TMEM74: variants seen among roughly 807,000 people sequenced by gnomAD.
TMEM74 encodes transmembrane protein 74.
In TMEM74, 13 loss-of-function variants were observed where a neutral mutation model predicts 18.1. The ratio of observed to expected loss-of-function variants is 0.72; its 90% CI spans 0.47 to 1.14. The LOEUF (loss-of-function observed/expected upper bound fraction) is 1.14. TMEM74 is among the 50% of genes most tolerant of loss of function. TMEM74 has a pLI of 0.00. For synonymous variants in TMEM74, 159 were observed against 146.6 expected (o/e 1.08, Z -0.61); for missense variants, 372 against 375.9 (o/e 0.99, Z 0.09).
chr8:108,729,219 A>C lies in TMEM74; in HGVS notation n.119+58257T>G, dbSNP rs192645955. On this transcript the variant is annotated intron_variant and non_coding_transcript_variant, in intron 1 of 3. Transcript: ENST00000518838. ...AGTTCCTTGTGGTTGTAGGATTGAG[A>C]TTCCTTCCCTGCTGGCTGTCAGCTA... is the stretch of plus-strand genomic sequence containing the variant. 4.1e-3 allele frequency among the ~76,000 whole-genome samples: 625 copies of C among 152,276 alleles called. 11 individuals are homozygous for C. The highest frequency in any genetic ancestry group is 0.036 in the Admixed American group (550 of 15,292).
chr8:108,634,328 T>A (rs558188919), intron 2 of TMEM74, among the ~76,000 whole-genome samples: 1 of 152,152 alleles, frequency 6.6e-6, no homozygotes, highest in African/African-American at 2.4e-5. Flanking sequence ...GTTTTGGCAC[T>A]TGTAGAGGGA....
At chr8:108,709,628 C>G (rs1392159380) in intron 1 of TMEM74, among the ~76,000 whole-genome samples, 2 of 152,006 alleles carry the variant, frequency 1.3e-5, no homozygotes, top group Non-Finnish European at 2.9e-5. Flanking sequence ...CTATAGTTAA[C>G]AATACAGTAT....
rs149430350 is a variant in TMEM74 at position 108,625,380 on chromosome 8, T to G, written n.265-16554A>C. Among the ~76,000 whole-genome samples, 476 of 152,158 alleles carry G rather than the reference T, an allele frequency of 3.1e-3. 2 individuals are homozygous for G. The highest frequency in any genetic ancestry group is 0.011 in the African/African-American group (454 of 41,552). ...GTGATGAGGTAAACATTCTATATAG[T>G]CATGCGATGAGATCACAGTTAAATA... On this transcript the variant is annotated intron_variant and non_coding_transcript_variant, in intron 2 of 3. Transcript: ENST00000518838.
intron 1 of TMEM74, among the ~76,000 whole-genome samples, chr8:108,725,954 A>G (rs1442528251): frequency 6.6e-6 from 1 of 152,142 alleles, no homozygotes; most frequent in Non-Finnish European, 1.5e-5. Context: ...ATATTTATGA[A>G]GGAAGGGATC....
chr8:108,674,545 C>A (rs534785296), intron 1 of TMEM74, among the ~76,000 whole-genome samples: 150 of 152,322 alleles, frequency 9.8e-4, no homozygotes, highest in African/African-American at 3.3e-3. Flanking sequence ...AAGATTCAGC[C>A]TCATGTATTA....
At chr8:108,769,774 G>A (rs183425780) in intron 1 of TMEM74, among the ~76,000 whole-genome samples, 200 of 151,924 alleles carry the variant, frequency 1.3e-3, no homozygotes, top group African/African-American at 4.4e-3. Flanking sequence ...TTAATTCACT[G>A]CCTTTCTAAA....
chr8:108,671,924 A>G (rs544109676), intron 1 of TMEM74, among the ~76,000 whole-genome samples: 1 of 152,352 alleles, frequency 6.6e-6, no homozygotes, highest in Non-Finnish European at 1.5e-5. Context: ...TGATTAATCA[A>G]TTGAAAACCT....
intron 2 of TMEM74, among the ~76,000 whole-genome samples, chr8:108,648,566 C>T (rs1324317359): frequency 1.3e-5 from 2 of 151,906 alleles, no homozygotes; most frequent in African/African-American, 2.4e-5. Context: ...CATCTTGGTG[C>T]GTTTATTATA....
At chr8:108,719,052 T>C (rs539281987) in intron 1 of TMEM74, among the ~76,000 whole-genome samples, 1 of 151,934 alleles carries the variant, frequency 6.6e-6, no homozygotes, top group South Asian at 2.1e-4. Context: ...AGTGTTCCGA[T>C]AAAAATTACA....
chr8:108,765,073 T>C (rs1289902327), intron 1 of TMEM74, among the ~76,000 whole-genome samples: 2 of 152,168 alleles, frequency 1.3e-5, no homozygotes, highest in African/African-American at 4.8e-5. Context: ...GCACACAACT[T>C]CAACACATTC....
intron 1 of TMEM74, among the ~76,000 whole-genome samples, chr8:108,744,835 C>G (rs1192243241): frequency 1.3e-5 from 2 of 152,042 alleles, no homozygotes; most frequent in Admixed American, 6.6e-5. Flanking sequence ...GTGGAGGAAC[C>G]CTTTGTAGAT....
intron 1 of TMEM74, among the ~76,000 whole-genome samples, chr8:108,757,949 C>A (rs897797933): frequency 1.1e-4 from 17 of 151,914 alleles, no homozygotes; most frequent in Admixed American, 3.3e-4. Context: ...CCTGTGCTAT[C>A]AAGAGAAATG....
At chr8:108,731,464 A>C (rs1044745485) in intron 1 of TMEM74, among the ~76,000 whole-genome samples, 1 of 152,214 alleles carries the variant, frequency 6.6e-6, no homozygotes, top group African/African-American at 2.4e-5. Context: ...TGCCTGCCAA[A>C]GCATTTAATG....
At chr8:108,736,090 C>A (rs1238230554) in intron 1 of TMEM74, among the ~76,000 whole-genome samples, 1 of 151,964 alleles carries the variant, frequency 6.6e-6, no homozygotes, top group Non-Finnish European at 1.5e-5. Flanking sequence ...TGAAAAATCC[C>A]TAGTTTCTAA....
At chr8:108,758,558 T>C (rs73311975) in intron 1 of TMEM74, among the ~76,000 whole-genome samples, 2,909 of 152,180 alleles carry the variant, frequency 0.019, 110 homozygotes, top group African/African-American at 0.066. Context: ...CAAACCTTTT[T>C]AGTTGGACAA....
At chr8:108,762,372 G>A (rs528692723) in intron 1 of TMEM74, among the ~76,000 whole-genome samples, 1 of 152,218 alleles carries the variant, frequency 6.6e-6, no homozygotes, top group Admixed American at 6.5e-5. Flanking sequence ...TGAATAAGCT[G>A]AAAATCCTCA....
intron 1 of TMEM74, among the ~76,000 whole-genome samples, chr8:108,672,761 G>A (rs757054865): frequency 6.6e-6 from 1 of 152,144 alleles, no homozygotes; most frequent in African/African-American, 2.4e-5. Context: ...AACCAACAAG[G>A]GTCCTTCTGA....
intron 1 of TMEM74, among the ~76,000 whole-genome samples, chr8:108,708,290 G>A (rs547389256): frequency 7.4e-4 from 112 of 150,636 alleles, no homozygotes; most frequent in Middle Eastern, 6.8e-3. Flanking sequence ...CTGTTGATGG[G>A]CATTTAGGTT....
intron 2 of TMEM74, among the ~76,000 whole-genome samples, chr8:108,630,133 G>A (rs1812535956): frequency 6.6e-6 from 1 of 151,970 alleles, no homozygotes; most frequent in African/African-American, 2.4e-5. Flanking sequence ...TAAAGGAATG[G>A]GGGAATATTT....
Sources: allele counts gnomAD v4.1 joint callset (sites outside exome capture counted in the v4.1 genomes callset), GRCh38; gene constraint gnomAD v4.1.1; transcripts MANE v1.5; gene names NCBI Gene and HGNC (gene_info 2026-07-23, HGNC 2026-07-21).